The following PLXDC2 variants were observed in gnomAD, a reference collection of about 807,000 sequenced individuals.
PLXDC2 encodes plexin domain-containing protein 2.
Under a neutral mutation model 68.9 loss-of-function variants are expected in PLXDC2, and 40 were observed. That is an observed-to-expected ratio of 0.58 (90% confidence interval 0.45 to 0.76). The LOEUF is 0.76. Ranked by LOEUF, PLXDC2 falls within the 30% of genes least tolerant of loss-of-function variation. The pLI, the probability that PLXDC2 is intolerant of heterozygous loss-of-function variation, is 0.00. For synonymous variants in PLXDC2, 243 were observed against 234.2 expected (o/e 1.04, Z -0.34); for missense variants, 644 against 661.9 (o/e 0.97, Z 0.30).
In PLXDC2 at chr10:19,950,792, C is replaced by G. The variant is rs60415091; in HGVS notation, c.113-50983C>G. Among the ~76,000 whole-genome samples the G allele has an allele frequency of 8.2e-3, 1,246 of 152,192 alleles. 23 individuals carry two copies. Among genetic ancestry groups the G allele is most frequent in the African/African-American group, 0.028 (1,181 of 41,514 alleles). ...TAAACAAAACAGCATGGTACTGGTA[C>G]AAGAACAGACACATAGACCTATACA... On this transcript the variant is annotated intron_variant, in intron 1 of 13. Coordinates refer to ENST00000377252, the MANE Select transcript of PLXDC2 (RefSeq NM_032812.9).
rs1275879853 is a variant in PLXDC2 at position 20,108,062 on chromosome 10, G to A, written c.542-35233G>A. On this transcript the variant is annotated intron_variant, in intron 4 of 13. Transcript: ENST00000377252. ...TAGATATCATCATCCAACTTTGAAA[G>A]ATTTTAAGTAAATCTTCAATACAGT... Among the ~76,000 whole-genome samples, 3 of 152,226 alleles carry A rather than the reference G, an allele frequency of 2.0e-5. No homozygotes were observed. The East Asian group carries it at 5.8e-4, about 29-fold the overall frequency.
At chr10:20,272,262 T>C (rs1034765169) in intron 13 of PLXDC2, among the ~76,000 whole-genome samples, 2 of 152,178 alleles carry the variant, frequency 1.3e-5, no homozygotes, top group Non-Finnish European at 2.9e-5. Context: ...AAAGAAACAA[T>C]GTGTATTGAA....
chr10:20,238,450 C>T (rs182556277), intron 12 of PLXDC2, among the ~76,000 whole-genome samples: 1 of 150,144 alleles, frequency 6.7e-6, no homozygotes, highest in East Asian at 2.0e-4. Flanking sequence ...AGTTCAAGAC[C>T]AGCCTGGCCA....
intron 1 of PLXDC2, among the ~76,000 whole-genome samples, chr10:19,995,466 G>C (rs1834828529): frequency 6.6e-6 from 1 of 152,218 alleles, no homozygotes; most frequent in Non-Finnish European, 1.5e-5. Flanking sequence ...CTGTGGGCTA[G>C]TCATGTAAAC....
chr10:20,205,168 T>C (rs1834974259), intron 9 of PLXDC2, among the ~76,000 whole-genome samples: 1 of 152,156 alleles, frequency 6.6e-6, no homozygotes, highest in South Asian at 2.1e-4. Context: ...TGCCACAAGC[T>C]GGGAGAACAT....
At chr10:20,110,714 T>C (rs945511272) in intron 4 of PLXDC2, among the ~76,000 whole-genome samples, 1 of 152,184 alleles carries the variant, frequency 6.6e-6, no homozygotes, top group East Asian at 1.9e-4. Context: ...GACCTCAGGA[T>C]TGGGGAATCA....
intron 12 of PLXDC2, among the ~76,000 whole-genome samples, chr10:20,245,029 G>C (rs761090943): frequency 1.3e-5 from 2 of 152,130 alleles, no homozygotes; most frequent in Non-Finnish European, 2.9e-5. Flanking sequence ...CAGGAGAATC[G>C]CTTGAACCCA....
In PLXDC2 at chr10:19,846,458, G is replaced by A. The variant is rs538706956; in HGVS notation, c.112+29267G>A. On this transcript the variant is annotated intron_variant, in intron 1 of 13. Coordinates refer to ENST00000377252, the MANE Select transcript of PLXDC2 (RefSeq NM_032812.9). ...TGAATGACCCTTTGGTTTTCAAAGGGACTGCGTTATTGATGTGATACCTTC... is the reference window on the plus strand; with the variant it reads ...TGAATGACCCTTTGGTTTTCAAAGGAACTGCGTTATTGATGTGATACCTTC... Among the ~76,000 whole-genome samples the A allele has an allele frequency of 1.0e-3, 154 of 152,180 alleles. 1 individual carries two copies. Among genetic ancestry groups the A allele is most frequent in the African/African-American group, 3.6e-3 (151 of 41,520 alleles).
At chr10:20,272,382 C>T (rs1171432965) in intron 13 of PLXDC2, among the ~76,000 whole-genome samples, 1 of 151,748 alleles carries the variant, frequency 6.6e-6, no homozygotes, top group Non-Finnish European at 1.5e-5. Context: ...CATATTTTCC[C>T]TGTGAGTAAG....
At chr10:20,066,704 C>T (rs550997407) in intron 3 of PLXDC2, among the ~76,000 whole-genome samples, 1 of 152,106 alleles carries the variant, frequency 6.6e-6, no homozygotes, top group Non-Finnish European at 1.5e-5. Flanking sequence ...AATTGAAAGT[C>T]GCTTTAAATT....
intron 4 of PLXDC2, among the ~76,000 whole-genome samples, chr10:20,076,097 G>T (rs929965302): frequency 5.9e-5 from 9 of 152,184 alleles, no homozygotes; most frequent in African/African-American, 2.2e-4. Context: ...AATAAAGGGT[G>T]TCTAAGTGAC....
At chr10:20,117,537 A>G (rs979477790) in intron 4 of PLXDC2, among the ~76,000 whole-genome samples, 2 of 152,234 alleles carry the variant, frequency 1.3e-5, no homozygotes, top group African/African-American at 2.4e-5. Flanking sequence ...TAAAGACATA[A>G]CAAGGAAACA....
At position 20,106,736 on chromosome 10, in the gene PLXDC2, C is replaced by T. The variant is rs183804431; in HGVS notation, c.542-36559C>T. The stretch of plus-strand genomic sequence containing the variant: ...TACCTCTTAAGCATCCTTCAACTCT[C>T]GGCCTTTCAGAACACTCACCTAGCT... On this transcript the variant is annotated intron_variant, in intron 4 of 13. Coordinates refer to ENST00000377252, the MANE Select transcript of PLXDC2 (RefSeq NM_032812.9). Among the ~76,000 whole-genome samples, 208 of 152,196 alleles carry T rather than the reference C, an allele frequency of 1.4e-3. 2 individuals carry two copies. The highest frequency in any genetic ancestry group is 3.5e-4 in the Non-Finnish European group (24 of 68,024).
rs1836353593 is a variant in PLXDC2, at chr10:19,816,924, G to C, written c.-156G>C. On this transcript the variant is annotated 5_prime_UTR_variant, in exon 1 of 14. Transcript: ENST00000377252. ...CTCGCGTTCGCTTCTTCCTCTTCTCGGTTCCCTACTGTGAAATCGCAGCGA... is the reference window on the plus strand; with the variant it reads ...CTCGCGTTCGCTTCTTCCTCTTCTCCGTTCCCTACTGTGAAATCGCAGCGA... 3.3e-6 allele frequency: 2 copies of C among 610,334 alleles called. No homozygotes were observed. Among genetic ancestry groups the C allele is most frequent in the Non-Finnish European group, 5.8e-6 (2 of 345,834 alleles). The allele number at this position is 610,334 out of a possible 1,614,324, so 37.8% of individuals were successfully genotyped here.
At chr10:20,087,849 A>G (rs1833221556) in intron 4 of PLXDC2, among the ~76,000 whole-genome samples, 1 of 152,152 alleles carries the variant, frequency 6.6e-6, no homozygotes, top group Non-Finnish European at 1.5e-5. Context: ...TTTTTTATTA[A>G]TAATTTCCCT....
intron 9 of PLXDC2, among the ~76,000 whole-genome samples, chr10:20,193,726 A>G (rs1834800208): frequency 6.6e-6 from 1 of 152,126 alleles, no homozygotes; most frequent in African/African-American, 2.4e-5. Flanking sequence ...CTGTTAACAT[A>G]AGATGACATT....
chr10:20,005,695 T>C (rs182120907), intron 2 of PLXDC2, among the ~76,000 whole-genome samples: 20 of 152,084 alleles, frequency 1.3e-4, no homozygotes, highest in Non-Finnish European at 2.2e-4. Flanking sequence ...GTGCTGCACA[T>C]TTTCAAACAA....
At position 19,862,531 on chromosome 10, in the gene PLXDC2, G is replaced by A. The variant is rs546432179; in HGVS notation, c.112+45340G>A. Among the ~76,000 whole-genome samples the A allele has an allele frequency of 7.9e-5, 12 of 152,296 alleles. No homozygotes were observed. The East Asian group carries it at 2.3e-3, about 29-fold the overall frequency. On this transcript the variant is annotated intron_variant, in intron 1 of 13. Coordinates refer to ENST00000377252, the MANE Select transcript of PLXDC2 (RefSeq NM_032812.9). ...ATTGTGGAAAGGAAGAACAAAGAGG[G>A]TGAAGGTTCTCTTCTCTTAATTTGT... is the stretch of plus-strand genomic sequence containing the variant.
chr10:19,980,623 T>G (rs893166713), intron 1 of PLXDC2, among the ~76,000 whole-genome samples: 3 of 152,230 alleles, frequency 2.0e-5, no homozygotes, highest in African/African-American at 7.2e-5. Flanking sequence ...AGTCAAGTCA[T>G]CTATGTGTAT....
Sources: allele counts gnomAD v4.1 joint callset (sites outside exome capture counted in the v4.1 genomes callset), GRCh38; gene constraint gnomAD v4.1.1; transcripts MANE v1.5; gene names NCBI Gene and HGNC (gene_info 2026-07-23, HGNC 2026-07-21).